Variants in CCR5AS observed in about 807,000 individuals in gnomAD.
CCR5AS encodes CCR5 antisense RNA.
At chr3:46,373,673 G>T in intron 2 of CCR5AS, 1 of 1,614,042 alleles carries the variant, frequency 6.2e-7, no homozygotes, top group Non-Finnish European at 8.5e-7. Flanking sequence ...TCCTTCTCCT[G>T]AACACCTTCC....
intron 1 of CCR5AS, among the ~76,000 whole-genome samples, chr3:46,405,126 C>CTTCT (rs1204702237): frequency 1.3e-5 from 2 of 152,312 alleles, no homozygotes; most frequent in East Asian, 3.9e-4. Flanking sequence ...CTTCTAAACT[C>CTTCT]TTCCTTCCTT....
chr3:46,391,302 G>T (rs113540579), intron 2 of CCR5AS, among the ~76,000 whole-genome samples: 1 of 152,158 alleles, frequency 6.6e-6, no homozygotes, highest in Non-Finnish European at 1.5e-5. Flanking sequence ...CTCTTACAGC[G>T]GAGGCAAGTA....
Position 46,392,290 on chromosome 3 carries a change from C to G in CCR5AS, n.391+535G>C, listed in dbSNP as rs541187793. ...CCATAACTGTTGTGGGTATTGATGGCCAGGCTTATAAGCCCCTTAAAATTA... is the reference window on the plus strand; with the variant it reads ...CCATAACTGTTGTGGGTATTGATGGGCAGGCTTATAAGCCCCTTAAAATTA... On this transcript the variant is annotated intron_variant and non_coding_transcript_variant, in intron 2 of 3. Coordinates refer to ENST00000451485, the Ensembl canonical transcript of CCR5AS. 2.6e-5 allele frequency among the ~76,000 whole-genome samples: 4 copies of G among 152,298 alleles called. No homozygotes were observed. The East Asian group carries it at 7.7e-4, about 29-fold the overall frequency.
intron 2 of CCR5AS, chr3:46,375,450 A>C (rs1485870901): frequency 6.0e-6 from 1 of 167,050 alleles, no homozygotes; most frequent in Non-Finnish European, 1.5e-5. Context: ...CACTGAGCAA[A>C]GCATTGAGCA....
intron 2 of CCR5AS, among the ~76,000 whole-genome samples, chr3:46,372,116 G>A (rs925303055): frequency 6.6e-6 from 1 of 152,138 alleles, no homozygotes; most frequent in Non-Finnish European, 1.5e-5. Flanking sequence ...TGAATGAATG[G>A]GTATGATGCT....
intron 2 of CCR5AS, among the ~76,000 whole-genome samples, chr3:46,387,914 G>T (rs1398917517): frequency 2.0e-5 from 3 of 152,156 alleles, no homozygotes; most frequent in Admixed American, 2.0e-4. Context: ...GGGAGCTCCT[G>T]AGATTTATTG....
intron 1 of CCR5AS, among the ~76,000 whole-genome samples, chr3:46,394,634 A>G (rs1559575229): frequency 6.6e-6 from 1 of 152,126 alleles, no homozygotes; most frequent in African/African-American, 2.4e-5. Flanking sequence ...AGCACTTCTC[A>G]GTGTCTTTCC....
intron 2 of CCR5AS, among the ~76,000 whole-genome samples, chr3:46,379,238 T>C (rs1156238545): frequency 7.0e-6 from 1 of 143,248 alleles, no homozygotes; most frequent in Non-Finnish European, 1.5e-5. Context: ...GATCTCATTG[T>C]TCAATTCCCA....
intron 1 of CCR5AS, among the ~76,000 whole-genome samples, chr3:46,404,522 G>C (rs2106783474): frequency 6.6e-6 from 1 of 151,884 alleles, no homozygotes. Flanking sequence ...ATTTTTAGTA[G>C]AGATGAAGTT....
At chr3:46,372,783 C>G (rs1431674252) in intron 2 of CCR5AS, 4 of 744,068 alleles carry the variant, frequency 5.4e-6, no homozygotes, top group African/African-American at 5.2e-5. Flanking sequence ...ATGTAGACAT[C>G]TATGTAGGCA....
At chr3:46,397,088 C>A (rs1701966771) in intron 1 of CCR5AS, among the ~76,000 whole-genome samples, 1 of 152,182 alleles carries the variant, frequency 6.6e-6, no homozygotes, top group African/African-American at 2.4e-5. Flanking sequence ...GAGGCCCACA[C>A]CTCACCTGGC....
chr3:46,399,278 C>A (rs1701986897), intron 1 of CCR5AS, among the ~76,000 whole-genome samples: 1 of 152,188 alleles, frequency 6.6e-6, no homozygotes, highest in African/African-American at 2.4e-5. Flanking sequence ...TGTTCATGGG[C>A]ACTTGATGCA....
At chr3:46,403,019 G>T (rs1448916764) in intron 1 of CCR5AS, among the ~76,000 whole-genome samples, 1 of 152,220 alleles carries the variant, frequency 6.6e-6, no homozygotes, top group Non-Finnish European at 1.5e-5. Context: ...GTGTTAGTTT[G>T]CTAAGGGTAA....
At chr3:46,405,492 G>A (rs541339925) in intron 1 of CCR5AS, among the ~76,000 whole-genome samples, 3 of 152,208 alleles carry the variant, frequency 2.0e-5, no homozygotes, top group Admixed American at 6.5e-5. Flanking sequence ...CATGAGTATC[G>A]AGAGTAAAGC....
rs534418148 is a variant in CCR5AS, at chr3:46,399,049, T to C, written n.164-5997A>G. Among the ~76,000 whole-genome samples, 31 of 152,242 alleles carry C rather than the reference T, an allele frequency of 2.0e-4. No individual in the cohort carries two copies. The South Asian group carries it at 2.9e-3, about 14-fold the overall frequency. On this transcript the variant is annotated intron_variant and non_coding_transcript_variant, in intron 1 of 3. Coordinates refer to ENST00000451485, the Ensembl canonical transcript of CCR5AS. ...GAGGGAAGAGTCTGCTATCCTGCTTTACTCATCTTCATCTACACTACACTG... is the reference window on the plus strand; with the variant it reads ...GAGGGAAGAGTCTGCTATCCTGCTTCACTCATCTTCATCTACACTACACTG...
chr3:46,396,265 C>T (rs910205828), intron 1 of CCR5AS, among the ~76,000 whole-genome samples: 1 of 151,874 alleles, frequency 6.6e-6, no homozygotes, highest in Non-Finnish European at 1.5e-5. Flanking sequence ...CCTGTGAAAA[C>T]TGGGCACTTC....
At chr3:46,369,924 A>C (rs1469782254) in intron 3 of CCR5AS, among the ~76,000 whole-genome samples, 1 of 152,154 alleles carries the variant, frequency 6.6e-6, no homozygotes, top group East Asian at 1.9e-4. Flanking sequence ...AGAGATCACA[A>C]GCCAAAGCTT....
chr3:46,405,793 A>G (rs1202070289), intron 1 of CCR5AS, among the ~76,000 whole-genome samples: 1 of 151,816 alleles, frequency 6.6e-6, no homozygotes, highest in African/African-American at 2.4e-5. Context: ...TCAATCACAT[A>G]TTTGTCTGGG....
intron 3 of CCR5AS, among the ~76,000 whole-genome samples, chr3:46,367,020 G>A (rs984054594): frequency 5.9e-5 from 9 of 152,062 alleles, no homozygotes; most frequent in African/African-American, 1.9e-4. Flanking sequence ...TGTCAATGAC[G>A]GAGCTCTGTT....
Sources: gnomAD v4.1 joint callset for allele counts (sites outside exome capture counted in the v4.1 genomes callset) on GRCh38, gnomAD v4.1.1 for gene constraint, MANE v1.5 for transcripts, NCBI Gene and HGNC (gene_info 2026-07-23, HGNC 2026-07-21) for gene names.